The following RPN2 variants were observed in gnomAD, a reference collection of about 807,000 sequenced individuals.
The protein encoded by RPN2 is ribophorin II.
Under a neutral mutation model 71.4 loss-of-function variants are expected in RPN2, and 29 were observed. That is an observed-to-expected ratio of 0.41 (90% confidence interval 0.30 to 0.55). The LOEUF is 0.55. RPN2 is among the 20% of genes least tolerant of loss of function. The probability of loss-of-function intolerance (pLI) is 0.35; values close to 1 mark genes in which losing one functional copy is unlikely to be tolerated. For missense variants in RPN2, 726 were observed against 774.1 expected, an observed-to-expected ratio of 0.94 and a Z score of 0.74; for synonymous variants, 308 against 305.0, an observed-to-expected ratio of 1.01 and a Z score of -0.10.
intron 1 of RPN2, among the ~76,000 whole-genome samples, chr20:37,181,529 G>T (rs549087800): frequency 1.3e-5 from 2 of 148,484 alleles, no homozygotes; most frequent in South Asian, 4.2e-4. Context: ...AGTGATTCTC[G>T]TGCTTCAGCC....
intron 2 of RPN2, among the ~76,000 whole-genome samples, chr20:37,194,542 G>A (rs185178032): frequency 2.0e-5 from 3 of 152,248 alleles, no homozygotes; most frequent in African/African-American, 7.2e-5. Flanking sequence ...GATCACAGGC[G>A]TGAGCCATCA....
At chr20:37,181,885 C>A (rs544157483) in intron 1 of RPN2, among the ~76,000 whole-genome samples, 24 of 143,388 alleles carry the variant, frequency 1.7e-4, no homozygotes, top group South Asian at 6.8e-4. Flanking sequence ...TTTTCCATAG[C>A]ACTTACTTTG....
At chr20:37,182,311 C>G (rs549666830) in intron 1 of RPN2, among the ~76,000 whole-genome samples, 6 of 152,226 alleles carry the variant, frequency 3.9e-5, no homozygotes, top group African/African-American at 1.4e-4. Context: ...CCAGGCTGGT[C>G]TTGAACTCCT....
At chr20:37,183,486 G>T (rs1462789743) in intron 1 of RPN2, among the ~76,000 whole-genome samples, 1 of 152,132 alleles carries the variant, frequency 6.6e-6, no homozygotes, top group Non-Finnish European at 1.5e-5. Flanking sequence ...CCAAAGTGCT[G>T]GCCCGGCCAG....
chr20:37,218,668 T>A (rs6104114), intron 9 of RPN2, among the ~76,000 whole-genome samples: 5,048 of 152,242 alleles, frequency 0.033, 273 homozygotes, highest in African/African-American at 0.11. Flanking sequence ...AGCAATGCTA[T>A]ATCTTTTAGT....
chr20:37,220,814 G>A (rs1164608156), intron 9 of RPN2, among the ~76,000 whole-genome samples: 1 of 152,204 alleles, frequency 6.6e-6, no homozygotes, highest in Non-Finnish European at 1.5e-5. Flanking sequence ...TTGCTTTTGA[G>A]TGTTTCCAGA....
intron 1 of RPN2, 49 bp downstream of exon 1, chr20:37,179,418 G>A (rs927437887): frequency 1.8e-4 from 13 of 74,128 alleles, no homozygotes; most frequent in Admixed American, 5.8e-4. Context: ...CCCGCGGGAG[G>A]TTACTAGTCG....
intron 12 of RPN2, among the ~76,000 whole-genome samples, chr20:37,229,089 C>G (rs2068163404): frequency 6.6e-6 from 1 of 152,168 alleles, no homozygotes; most frequent in South Asian, 2.1e-4. Flanking sequence ...AGGCCCTGGC[C>G]TTTGAGATAT....
chr20:37,183,595 A>G (rs1444114485), intron 1 of RPN2, among the ~76,000 whole-genome samples: 1 of 152,252 alleles, frequency 6.6e-6, no homozygotes, highest in African/African-American at 2.4e-5. Flanking sequence ...ATAACTGCCA[A>G]GGGCACATTG....
At chr20:37,210,786 C>T (rs1314105817) in intron 8 of RPN2, among the ~76,000 whole-genome samples, 6 of 152,042 alleles carry the variant, frequency 3.9e-5, no homozygotes, top group African/African-American at 1.4e-4. Flanking sequence ...CCTGCCTCGG[C>T]CTCCCTAAGT....
At chr20:37,199,598 T>C (rs1172174829) in intron 4 of RPN2, among the ~76,000 whole-genome samples, 1 of 152,074 alleles carries the variant, frequency 6.6e-6, no homozygotes, top group African/African-American at 2.4e-5. Context: ...CAGGATGACA[T>C]GTTGGCAGTG....
In RPN2 at chr20:37,207,422, C is replaced by T. The variant is rs535586576; in HGVS notation, c.840C>T (p.Ser280=). The T allele has an allele frequency of 2.1e-5, 34 of 1,614,190 alleles. No homozygotes were observed. Among genetic ancestry groups the T allele is most frequent in the African/African-American group, 4.0e-5 (3 of 75,054 alleles). ...PVVVVPEGSA[S]DTHEQAILRL... ...TGGTTGTGCCTGAGGGCTCTGCTTC[C>T]GACACTCATGAACAGGCTATCTTGC... Residue 280 remains serine, a synonymous_variant, in exon 7 of 17, where the codon TCC becomes TCT. Coordinates refer to ENST00000237530, the MANE Select transcript of RPN2 (RefSeq NM_002951.5).
At chr20:37,184,634 T>C (rs1467285192) in intron 2 of RPN2, among the ~76,000 whole-genome samples, 3 of 151,936 alleles carry the variant, frequency 2.0e-5, no homozygotes. Context: ...CTGCTAAAAA[T>C]AGAAAAAATT....
chr20:37,184,530 C>T (rs1019998214), intron 2 of RPN2, among the ~76,000 whole-genome samples, 157 bp downstream of exon 2: 7 of 152,216 alleles, frequency 4.6e-5, no homozygotes, highest in African/African-American at 1.7e-4. Context: ...TGGTGACTCA[C>T]GCCTGTAATG....
intron 2 of RPN2, among the ~76,000 whole-genome samples, chr20:37,197,689 C>T (rs1455282850): frequency 6.6e-6 from 1 of 152,154 alleles, no homozygotes; most frequent in Non-Finnish European, 1.5e-5. Context: ...TCACTGCAGC[C>T]TCAACTTCAA....
At chr20:37,204,999 C>T in intron 6 of RPN2, 98 bp downstream of exon 6, 4 of 1,541,932 alleles carry the variant, frequency 2.6e-6, no homozygotes, top group Non-Finnish European at 3.6e-6. Context: ...CAGACAGTAC[C>T]TTGGGATGCT....
intron 15 of RPN2, among the ~76,000 whole-genome samples, chr20:37,235,690 G>A (rs546613983): frequency 1.5e-4 from 23 of 151,682 alleles, no homozygotes; most frequent in Admixed American, 7.9e-4. Context: ...GCTCTGTCTC[G>A]CCCAGGCTGG....
intron 13 of RPN2, among the ~76,000 whole-genome samples, chr20:37,231,469 C>T (rs754726094): frequency 2.0e-4 from 31 of 152,082 alleles, no homozygotes; most frequent in Non-Finnish European, 3.1e-4. Context: ...GTGGCTCACG[C>T]GAATCTTGCT....
intron 16 of RPN2, among the ~76,000 whole-genome samples, chr20:37,240,925 T>G (rs1016097642): frequency 1.3e-5 from 2 of 152,248 alleles, no homozygotes; most frequent in Admixed American, 6.5e-5. Context: ...AGATTGATGA[T>G]GAGCATTATT....
Sources: allele counts gnomAD v4.1 joint callset (sites outside exome capture counted in the v4.1 genomes callset), GRCh38; gene constraint gnomAD v4.1.1; transcripts MANE v1.5; gene names NCBI Gene and HGNC (gene_info 2026-07-23, HGNC 2026-07-21).